The following ASIC5 variants were observed in gnomAD, a reference collection of about 807,000 sequenced individuals.
The protein encoded by ASIC5 is acid sensing ion channel subunit family member 5.
ASIC5 carries 52 observed loss-of-function variants against 51.2 expected under a neutral mutation model. The observed-to-expected ratio is 1.02, with a 90% CI of 0.81 to 1.28. The LOEUF is 1.28. Among genes scored for constraint, ASIC5 ranks in the 50% most tolerant of loss-of-function variants. The pLI, the probability that ASIC5 is intolerant of heterozygous loss-of-function variation, is 0.00. For synonymous variants in ASIC5, 231 were observed against 200.7 expected (o/e 1.15, Z -1.28); for missense variants, 635 against 595.0 (o/e 1.07, Z -0.70).
chr4:155,836,697 T>C lies in ASIC5; in HGVS notation c.1227A>G (p.Lys409=). ...YLSKKLNQSR[K]YIRENLVKIE... ...AAGGCTAGTAAGGTTACCTGATGTA[T>C]TTCCGGCTTTGATTCAACTTCTTGG... is the stretch of plus-strand genomic sequence containing the variant. Residue 409 remains lysine, a synonymous_variant, in exon 8 of 10, where the codon AAA becomes AAG. Transcript: ENST00000537611. The C allele has an allele frequency of 6.2e-7, 1 of 1,606,550 alleles. No individual in the cohort carries two copies. Among genetic ancestry groups the C allele is most frequent in the Non-Finnish European group, 8.5e-7 (1 of 1,174,400 alleles).
At chr4:155,842,543 G>A (rs1241447545) in intron 5 of ASIC5, among the ~76,000 whole-genome samples, 189 bp from the exon 6 acceptor site, 5 of 151,998 alleles carry the variant, frequency 3.3e-5, no homozygotes, top group African/African-American at 9.7e-5. Context: ...GTATAATAGT[G>A]ATCCTTAAAC....
chr4:155,856,404 C>T (rs1229112502), intron 2 of ASIC5, among the ~76,000 whole-genome samples: 1 of 152,052 alleles, frequency 6.6e-6, no homozygotes, highest in Non-Finnish European at 1.5e-5. Flanking sequence ...GGAGAAACAA[C>T]CTCAAGCCAA....
intron 7 of ASIC5, 21 bp downstream of exon 7, chr4:155,838,792 A>G: frequency 6.7e-7 from 1 of 1,495,320 alleles, no homozygotes; most frequent in Non-Finnish European, 9.3e-7. Context: ...TCCTGAAAAT[A>G]AAAGTAAATT....
At chr4:155,856,296 C>T (rs1421423066) in intron 2 of ASIC5, among the ~76,000 whole-genome samples, 1 of 152,108 alleles carries the variant, frequency 6.6e-6, no homozygotes, top group African/African-American at 2.4e-5. Flanking sequence ...GGCCAACACC[C>T]ATGGCCCCCA....
At chr4:155,845,673 A>G (rs1340346486) in intron 4 of ASIC5, among the ~76,000 whole-genome samples, 1 of 152,080 alleles carries the variant, frequency 6.6e-6, no homozygotes, top group Non-Finnish European at 1.5e-5. Flanking sequence ...GGTAGTCCCT[A>G]TCTAAATAAG....
intron 4 of ASIC5, among the ~76,000 whole-genome samples, chr4:155,850,559 C>G (rs1741358168): frequency 6.6e-6 from 1 of 151,946 alleles, no homozygotes. Context: ...TTGCTTAAGA[C>G]CTCTATAGTT....
At chr4:155,835,785 C>T (rs1017164358) in intron 8 of ASIC5, among the ~76,000 whole-genome samples, 16 of 152,000 alleles carry the variant, frequency 1.1e-4, no homozygotes, top group Non-Finnish European at 1.3e-4. Flanking sequence ...AATGCTTTTT[C>T]TTTCTGTAAA....
At chr4:155,854,727 G>T (rs78917399) in intron 2 of ASIC5, 5,021 of 168,658 alleles carry the variant, frequency 0.03, 113 homozygotes, top group South Asian at 0.058. Context: ...TTTCACTGTC[G>T]TGCAGGAGCT....
chr4:155,834,576 T>C (rs1740936131), intron 8 of ASIC5, among the ~76,000 whole-genome samples: 1 of 152,096 alleles, frequency 6.6e-6, no homozygotes, highest in South Asian at 2.1e-4. Flanking sequence ...ACATGTACAT[T>C]ATGTGATAGG....
intron 8 of ASIC5, among the ~76,000 whole-genome samples, chr4:155,836,273 A>AT (rs1231187748): frequency 1.3e-5 from 2 of 152,172 alleles, no homozygotes; most frequent in African/African-American, 2.4e-5. Context: ...TTAAAATACG[A>AT]TGTCCTTCAG....
At chr4:155,848,177 C>A (rs1741300311) in intron 4 of ASIC5, among the ~76,000 whole-genome samples, 2 of 151,678 alleles carry the variant, frequency 1.3e-5, no homozygotes, top group African/African-American at 2.4e-5. Context: ...AAAAAAAAAT[C>A]CTTGAGTTAT....
At chr4:155,856,515 C>T (rs1208604356) in intron 2 of ASIC5, among the ~76,000 whole-genome samples, 1 of 152,096 alleles carries the variant, frequency 6.6e-6, no homozygotes, top group East Asian at 1.9e-4. Flanking sequence ...TAGCCCAGGT[C>T]CTAAAACTCT....
chr4:155,837,656 A>C, intron 7 of ASIC5, among the ~76,000 whole-genome samples: 1 of 152,074 alleles, frequency 6.6e-6, no homozygotes, highest in South Asian at 2.1e-4. Context: ...TCAGACTCTA[A>C]CTTTGACTTC....
chr4:155,849,517 G>A (rs1463866813), intron 4 of ASIC5, among the ~76,000 whole-genome samples: 1 of 151,976 alleles, frequency 6.6e-6, no homozygotes, highest in Non-Finnish European at 1.5e-5. Context: ...TAGCAAAAAT[G>A]GGAAATTTTA....
chr4:155,862,434 T>C (rs2110772932), intron 2 of ASIC5, among the ~76,000 whole-genome samples: 1 of 152,206 alleles, frequency 6.6e-6, no homozygotes, highest in African/African-American at 2.4e-5. Flanking sequence ...AATATGAAAA[T>C]TAACACTAAG....
In ASIC5 at chr4:155,863,487, T is replaced by G; in HGVS notation, c.308A>C (p.Lys103Thr). 1 of 1,613,624 alleles carries G rather than the reference T, an allele frequency of 6.2e-7. No homozygotes were observed. Among genetic ancestry groups the G allele is most frequent in the Non-Finnish European group, 8.5e-7 (1 of 1,179,748 alleles). ...AAATGTCACAGCTGGGAACTCCATC[T>G]TTTCCACATATTGAACCTCAATGGA... Reference protein sequence around the residue: ...TTSIEVQYVEKMEFPAVTFCN... With the variant: ...TTSIEVQYVETMEFPAVTFCN... The change falls in exon 2 of 10, where the codon AAG becomes ACG. Residue 103 changes from lysine to threonine, a missense_variant. Lys to Thr is a moderately conservative substitution (Grantham distance 78). Coordinates refer to ENST00000537611, the MANE Select transcript of ASIC5 (RefSeq NM_017419.3).
intron 2 of ASIC5, chr4:155,854,971 C>G (rs1203041848): frequency 6.6e-6 from 1 of 152,152 alleles, no homozygotes; most frequent in African/African-American, 2.4e-5. Flanking sequence ...GTATTTGTTT[C>G]CCCGACTTCA....
At chr4:155,866,093 T>C (rs1741855708) in intron 1 of ASIC5, 94 bp downstream of exon 1, 2 of 732,348 alleles carry the variant, frequency 2.7e-6, no homozygotes, top group South Asian at 2.2e-5. Context: ...GGAAATCAAA[T>C]TTCCCAAATG....
In ASIC5 at chr4:155,863,727, A is replaced by G. The variant is rs1741783921; in HGVS notation, c.68T>C (p.Leu23Pro). Residue 23 changes from leucine (L) to proline (P), a missense_variant, in exon 2 of 10, where the codon CTT becomes CCT. Physicochemically the swap from Leu to Pro is moderately conservative, Grantham distance 98 (BLOSUM62 -3). Coordinates refer to ENST00000537611, the MANE Select transcript of ASIC5 (RefSeq NM_017419.3). ...GGGAGATGGCAGTGGTTTCTTTGAAAGGCAAAGCTTTATCTTTTCTAAGAG... is the reference window on the plus strand; with the variant it reads ...GGGAGATGGCAGTGGTTTCTTTGAAGGGCAAAGCTTTATCTTTTCTAAGAG... ...NGLLEKIKLC[L>P]SKKPLPSPTE... is the part of the protein sequence containing the mutation. The G allele has an allele frequency of 5.6e-6, 9 of 1,613,598 alleles. No individual in the cohort carries two copies. Among genetic ancestry groups the G allele is most frequent in the East Asian group, 2.2e-5 (1 of 44,872 alleles).
Sources: gnomAD v4.1 joint callset for allele counts (sites outside exome capture counted in the v4.1 genomes callset) on GRCh38, gnomAD v4.1.1 for gene constraint, MANE v1.5 for transcripts, NCBI Gene and HGNC (gene_info 2026-07-23, HGNC 2026-07-21) for gene names.